The following ZHX2 variants were observed in gnomAD, a reference collection of about 807,000 sequenced individuals.
ZHX2 encodes zinc fingers and homeoboxes protein 2.
Under a neutral mutation model 21.9 loss-of-function variants are expected in ZHX2, and 6 were observed. The observed-to-expected ratio is 0.27, with a 90% confidence interval of 0.15 to 0.54. ZHX2 has a LOEUF of 0.54. Among genes scored for constraint, ZHX2 ranks in the 20% least tolerant of loss-of-function variants. ZHX2 has a pLI of 0.95. For synonymous variants in ZHX2, 434 were observed against 437.1 expected (o/e 0.99, Z 0.09); for missense variants, 908 against 1,090.7 (o/e 0.83, Z 2.36).
At chr8:122,859,541 G>C (rs1271793404) in intron 1 of ZHX2, among the ~76,000 whole-genome samples, 1 of 152,268 alleles carries the variant, frequency 6.6e-6, no homozygotes, top group Non-Finnish European at 1.5e-5. Flanking sequence ...GGAGCATGAT[G>C]GGTTCAAGAA....
chr8:122,859,616 G>A (rs1029393391), intron 1 of ZHX2, among the ~76,000 whole-genome samples: 8 of 152,082 alleles, frequency 5.3e-5, no homozygotes, highest in African/African-American at 1.9e-4. Context: ...AGTGGGGAGA[G>A]ATGAGCAGGC....
At chr8:122,926,047 G>A (rs927939876) in intron 2 of ZHX2, among the ~76,000 whole-genome samples, 1 of 152,264 alleles carries the variant, frequency 6.6e-6, no homozygotes, top group South Asian at 2.1e-4. Context: ...TCTCCTATTA[G>A]TGTCCTTCAC....
rs982140192 is a variant in ZHX2 at position 122,973,670 on chromosome 8, T to G, written c.*433T>G. The G allele has an allele frequency of 1.4e-4, 22 of 152,670 alleles. No individual in the cohort carries two copies. Among genetic ancestry groups the G allele is most frequent in the African/African-American group, 4.6e-4 (19 of 41,444 alleles). The allele number at this position is 152,670 out of a possible 1,614,324, so 9.5% of individuals were successfully genotyped here. On this transcript the variant is annotated 3_prime_UTR_variant, in exon 4 of 4. Coordinates refer to ENST00000314393, the MANE Select transcript of ZHX2 (RefSeq NM_014943.5). Reference sequence around the variant, plus strand: ...TTTCTCTTTTTCTTTTTTTTATTTTTGTTTTATTAATTTGGGGAAAGGGGT... The same window carrying G: ...TTTCTCTTTTTCTTTTTTTTATTTTGGTTTTATTAATTTGGGGAAAGGGGT...
chr8:122,887,454 G>T (rs2129836235), intron 2 of ZHX2, among the ~76,000 whole-genome samples: 1 of 152,164 alleles, frequency 6.6e-6, no homozygotes, highest in East Asian at 1.9e-4. Flanking sequence ...GGAGGCAGAG[G>T]TTGCAGTGAG....
intron 3 of ZHX2, among the ~76,000 whole-genome samples, chr8:122,970,000 G>A (rs1458497510): frequency 6.6e-6 from 1 of 152,206 alleles, no homozygotes; most frequent in Non-Finnish European, 1.5e-5. Context: ...GAAAGGGAGG[G>A]TGGGAGGCAG....
At chr8:122,816,580 TCTTTATA>T (rs1392789996) in intron 1 of ZHX2, 4 of 151,868 alleles carry the variant, frequency 2.6e-5, no homozygotes, top group Non-Finnish European at 5.9e-5. Flanking sequence ...CTTATGTCCA[TCTTTATA>T]CTGATACAGT....
At chr8:122,941,798 A>G (rs1314005822) in intron 2 of ZHX2, among the ~76,000 whole-genome samples, 2 of 152,250 alleles carry the variant, frequency 1.3e-5, no homozygotes, top group East Asian at 3.8e-4. Context: ...GCTGTGCCGC[A>G]GTTGCGTGAC....
At position 122,820,445 on chromosome 8, in the gene ZHX2, G is replaced by A. The variant is rs555564249; in HGVS notation, c.-283+38499G>A. Among the ~76,000 whole-genome samples, 5 of 152,314 alleles carry A rather than the reference G, an allele frequency of 3.3e-5. No homozygotes were observed. In the South Asian group the frequency reaches 1.0e-3, roughly 32 times the overall value. ...CCGTGTTCTGAGGGTGAACGCCGCCGAATTATAAATAGCACCCGCCTCCCT... is the reference window on the plus strand; with the variant it reads ...CCGTGTTCTGAGGGTGAACGCCGCCAAATTATAAATAGCACCCGCCTCCCT... On this transcript the variant is annotated intron_variant, in intron 1 of 3. Coordinates refer to ENST00000314393, the MANE Select transcript of ZHX2 (RefSeq NM_014943.5).
chr8:122,891,573 TC>T (rs764489803), intron 2 of ZHX2, among the ~76,000 whole-genome samples: 1 of 152,230 alleles, frequency 6.6e-6, no homozygotes, highest in Admixed American at 6.5e-5. Context: ...GCTGTAAACT[TC>T]CCTCCTAGTA....
intron 2 of ZHX2, among the ~76,000 whole-genome samples, chr8:122,935,729 G>T (rs1031641341): frequency 6.6e-6 from 1 of 151,970 alleles, no homozygotes; most frequent in Non-Finnish European, 1.5e-5. Context: ...TAGAGACGGG[G>T]TTTCACCATG....
At chr8:122,818,695 C>T (rs756064515) in intron 1 of ZHX2, among the ~76,000 whole-genome samples, 3 of 152,202 alleles carry the variant, frequency 2.0e-5, no homozygotes, top group Non-Finnish European at 4.4e-5. Flanking sequence ...ATCCAGGACG[C>T]GCCCCGTGAG....
intron 2 of ZHX2, among the ~76,000 whole-genome samples, chr8:122,911,457 C>T (rs534892505): frequency 3.3e-5 from 5 of 152,188 alleles, no homozygotes; most frequent in South Asian, 4.1e-4. Context: ...CACCTGGGGC[C>T]GGGGCAGGAG....
chr8:122,891,288 G>A (rs1361224815), intron 2 of ZHX2, among the ~76,000 whole-genome samples: 1 of 135,072 alleles, frequency 7.4e-6, no homozygotes, highest in Non-Finnish European at 1.7e-5. Context: ...GTGTGTGTGT[G>A]TGTGTGTGTG....
chr8:122,873,200 T>G (rs1367195284), intron 2 of ZHX2, among the ~76,000 whole-genome samples: 1 of 152,104 alleles, frequency 6.6e-6, no homozygotes, highest in Non-Finnish European at 1.5e-5. Context: ...GAAAAAGGAG[T>G]GACCGTGGCG....
intron 2 of ZHX2, among the ~76,000 whole-genome samples, chr8:122,934,497 C>T (rs1201953557): frequency 6.6e-6 from 1 of 152,160 alleles, no homozygotes; most frequent in Non-Finnish European, 1.5e-5. Flanking sequence ...TAATGAATAG[C>T]GCAGGTTACC....
At chr8:122,911,917 G>A (rs541233486) in intron 2 of ZHX2, among the ~76,000 whole-genome samples, 2 of 152,274 alleles carry the variant, frequency 1.3e-5, no homozygotes, top group African/African-American at 2.4e-5. Context: ...ACCTTTTAGA[G>A]GCGGGGAATG....
Position 122,953,187 on chromosome 8 carries a change from G to T in ZHX2, c.1677G>T (p.Leu559=). The T allele has an allele frequency of 6.2e-7, 1 of 1,613,784 alleles. No individual in the cohort carries two copies. The highest frequency in any genetic ancestry group is 8.5e-7 in the Non-Finnish European group (1 of 1,179,984). The part of the protein sequence containing the change: ...LKSSFPTQAE[L]DRLRVETKLS... ...GTTCTTTTCCTACCCAAGCAGAACT[G>T]GATCGGCTAAGGGTGGAGACCAAGC... The change falls in exon 3 of 4, where the codon CTG becomes CTT. Residue 559 remains leucine, a synonymous_variant. Coordinates refer to ENST00000314393, the MANE Select transcript of ZHX2 (RefSeq NM_014943.5). The surrounding 1 kb of genome is among the most constrained non-coding windows in gnomAD (Gnocchi z 4.6).
chr8:122,821,792 A>G (rs1238585440), intron 1 of ZHX2, among the ~76,000 whole-genome samples: 2 of 151,860 alleles, frequency 1.3e-5, no homozygotes, highest in African/African-American at 4.8e-5. Context: ...GCAACCTCCA[A>G]CTCCTGGTTT....
intron 2 of ZHX2, among the ~76,000 whole-genome samples, chr8:122,893,619 A>C (rs936287872): frequency 2.0e-5 from 3 of 152,032 alleles, no homozygotes; most frequent in African/African-American, 7.2e-5. Flanking sequence ...TGAGGCTTTC[A>C]ATTGTAATTT....
Sources: allele counts gnomAD v4.1 joint callset (sites outside exome capture counted in the v4.1 genomes callset), GRCh38; gene constraint gnomAD v4.1.1; non-coding constraint Gnocchi (gnomAD v3.1); transcripts MANE v1.5; gene names NCBI Gene and HGNC (gene_info 2026-07-23, HGNC 2026-07-21).